Variants in COL24A1 observed in about 807,000 individuals in gnomAD.
COL24A1 encodes the protein collagen alpha-1(XXIV) chain.
In COL24A1, 224 loss-of-function variants were observed where a neutral mutation model predicts 253.9. That is an observed-to-expected ratio of 0.88 (90% CI 0.79 to 0.99). The LOEUF (loss-of-function observed/expected upper bound fraction) is 0.99, where lower values mean the gene tolerates loss of function less well. COL24A1 is among the 50% of genes least tolerant of loss of function. The pLI, the probability that COL24A1 is intolerant of heterozygous loss-of-function variation, is 0.00. For synonymous variants in COL24A1, 685 were observed against 673.7 expected (o/e 1.02, Z -0.26); for missense variants, 2,131 against 2,068.5 (o/e 1.03, Z -0.59).
At chr1:86,008,172 C>G (rs1325617459) in intron 19 of COL24A1, among the ~76,000 whole-genome samples, 1 of 152,100 alleles carries the variant, frequency 6.6e-6, no homozygotes, top group Non-Finnish European at 1.5e-5. Flanking sequence ...AAATATAAAA[C>G]CTTTAATCAA....
intron 24 of COL24A1, among the ~76,000 whole-genome samples, chr1:85,953,660 T>C (rs1300598466): frequency 6.6e-6 from 1 of 152,162 alleles, no homozygotes; most frequent in Non-Finnish European, 1.5e-5. Flanking sequence ...CACAGTATCC[T>C]TCTAAAGCAC....
At chr1:86,064,805 A>C (rs1701349691) in intron 7 of COL24A1, among the ~76,000 whole-genome samples, 1 of 152,160 alleles carries the variant, frequency 6.6e-6, no homozygotes, top group African/African-American at 2.4e-5. Context: ...TGGTTGAAAA[A>C]CGTCATTTAG....
chr1:85,898,634 A>G (rs898057247), intron 28 of COL24A1, among the ~76,000 whole-genome samples: 1 of 152,198 alleles, frequency 6.6e-6, no homozygotes, highest in Non-Finnish European at 1.5e-5. Context: ...ATTTTTTAAC[A>G]TGTGTTATTC....
chr1:86,066,446 G>A (rs975275428), intron 7 of COL24A1, among the ~76,000 whole-genome samples: 6 of 151,510 alleles, frequency 4.0e-5, no homozygotes, highest in African/African-American at 1.2e-4. Context: ...GGGTTTCACT[G>A]TGTTAGCCAG....
chr1:85,850,945 C>T (rs1677692126), intron 37 of COL24A1, among the ~76,000 whole-genome samples: 1 of 151,294 alleles, frequency 6.6e-6, no homozygotes, highest in African/African-American at 2.4e-5. Flanking sequence ...CGTTTACCTA[C>T]ATCTACTTTA....
At chr1:86,058,863 A>G (rs530699906) in intron 9 of COL24A1, among the ~76,000 whole-genome samples, 175 of 152,256 alleles carry the variant, frequency 1.1e-3, no homozygotes, top group African/African-American at 4.0e-3. Flanking sequence ...AGAACTTATT[A>G]ACACTTGTGC....
intron 25 of COL24A1, among the ~76,000 whole-genome samples, chr1:85,910,504 G>T (rs1685258529): frequency 6.6e-6 from 1 of 151,786 alleles, no homozygotes. Context: ...AGCTTAAAAA[G>T]ACTAAACTGA....
chr1:86,008,862 A>T (rs1696225617), intron 19 of COL24A1, among the ~76,000 whole-genome samples: 1 of 152,116 alleles, frequency 6.6e-6, no homozygotes, highest in Non-Finnish European at 1.5e-5. Flanking sequence ...ATTAGAGAAT[A>T]TAATGGCAGA....
intron 19 of COL24A1, among the ~76,000 whole-genome samples, chr1:86,005,112 C>A (rs1412706102): frequency 6.6e-6 from 1 of 152,090 alleles, no homozygotes; most frequent in Admixed American, 6.5e-5. Context: ...GAGAAAAGTA[C>A]CAGTTGTGGC....
intron 1 of COL24A1, among the ~76,000 whole-genome samples, chr1:86,147,950 C>G (rs900561438): frequency 6.6e-6 from 1 of 152,188 alleles, no homozygotes; most frequent in Non-Finnish European, 1.5e-5. Flanking sequence ...TGTGAGCAAT[C>G]ACTGGGCCTC....
In COL24A1 at chr1:85,835,193, C is replaced by T. The variant is rs186934543; in HGVS notation, c.3681+3392G>A. On this transcript the variant is annotated intron_variant, in intron 43 of 59. Transcript: ENST00000370571. ...GGAGTGCAGTGGCATGATCTTGGCTCACTGCAACCTCTGCCTCTGCCTCTG... is the reference window on the plus strand; with the variant it reads ...GGAGTGCAGTGGCATGATCTTGGCTTACTGCAACCTCTGCCTCTGCCTCTG... Among the ~76,000 whole-genome samples, 710 of 136,140 alleles carry T rather than the reference C, an allele frequency of 5.2e-3. 2 individuals carry two copies. Among genetic ancestry groups the T allele is most frequent in the South Asian group, 9.8e-3 (42 of 4,302 alleles). 89.3% of individuals were successfully genotyped at this position (136,140 alleles called of 152,430 possible).
In COL24A1 at chr1:85,858,623, CCTT is replaced by C. The variant is rs1241087528; in HGVS notation, c.3301-9220_3301-9218del. 8.0e-4 allele frequency among the ~76,000 whole-genome samples: 66 copies of C among 82,170 alleles called. 2 individuals are homozygous for C. Among genetic ancestry groups the C allele is most frequent in the Admixed American group, 7.1e-4 (5 of 7,044 alleles). The allele number at this position is 82,170 out of a possible 152,430, so 53.9% of individuals were successfully genotyped here. ...CATATTTTCTCCTTATTTTCTCCCT[CCTT>C]CCTTCCTTCCTTCCTTCCTTCCTTC... On this transcript the variant is annotated intron_variant, in intron 37 of 59. Transcript: ENST00000370571.
At chr1:85,830,031 G>GT (rs1235271984) in intron 43 of COL24A1, among the ~76,000 whole-genome samples, 1 of 152,204 alleles carries the variant, frequency 6.6e-6, no homozygotes, top group African/African-American at 2.4e-5. Flanking sequence ...TTTCTGCTCT[G>GT]TTTTTTCCCC....
At chr1:85,858,655 CCTT>C in intron 37 of COL24A1, among the ~76,000 whole-genome samples, 1 of 149,770 alleles carries the variant, frequency 6.7e-6, no homozygotes, top group Admixed American at 6.7e-5. Flanking sequence ...TTCCTTCCTT[CCTT>C]CCTTCCTTCC....
rs530082517 is a variant in COL24A1 at position 86,002,132 on chromosome 1, T to C, written c.2311-14478A>G. On this transcript the variant is annotated intron_variant, in intron 19 of 59. Transcript: ENST00000370571. Reference sequence around the variant, plus strand: ...AGAGGAGCATAAAAGGCAGAGATATTCCCATAGGTGGATCTTTGGGTTCTG... The same window carrying C: ...AGAGGAGCATAAAAGGCAGAGATATCCCCATAGGTGGATCTTTGGGTTCTG... Among the ~76,000 whole-genome samples the C allele has an allele frequency of 4.4e-4, 67 of 152,354 alleles. 1 individual carries two copies. In the South Asian group the frequency reaches 0.012, roughly 28 times the overall value.
chr1:86,134,327 GT>G (rs1286010181), intron 2 of COL24A1, among the ~76,000 whole-genome samples: 2 of 151,766 alleles, frequency 1.3e-5, no homozygotes, highest in Non-Finnish European at 2.9e-5. Flanking sequence ...TTTTTTGAAG[GT>G]TTTTTGTGTC....
chr1:86,038,057 C>T (rs1699169123), intron 12 of COL24A1, among the ~76,000 whole-genome samples: 1 of 151,958 alleles, frequency 6.6e-6, no homozygotes, highest in Non-Finnish European at 1.5e-5. Context: ...CATTTTATGT[C>T]CACCTGTCGC....
chr1:85,755,788 T>C (rs1376812142), intron 55 of COL24A1, among the ~76,000 whole-genome samples: 11 of 151,850 alleles, frequency 7.2e-5, no homozygotes, highest in Non-Finnish European at 1.5e-5. Flanking sequence ...GGTAAAACTA[T>C]AAAATTATTA....
chr1:85,778,605 A>ATT (rs369650547), intron 52 of COL24A1, among the ~76,000 whole-genome samples: 43,468 of 138,238 alleles, frequency 0.31, 7,227 homozygotes, highest in Admixed American at 0.35. Context: ...TTATTCTTCA[A>ATT]TTTTTTTTTT....
Sources: gnomAD v4.1 joint callset for allele counts (sites outside exome capture counted in the v4.1 genomes callset) on GRCh38, gnomAD v4.1.1 for gene constraint, MANE v1.5 for transcripts, NCBI Gene and HGNC (gene_info 2026-07-23, HGNC 2026-07-21) for gene names.